Variants in RALGAPA1 observed in about 807,000 individuals in gnomAD.
RALGAPA1 encodes Ral GTPase activating protein catalytic subunit alpha 1.
A neutral mutation model predicts 269.6 loss-of-function variants in RALGAPA1; 52 were observed. The ratio of observed to expected loss-of-function variants is 0.19; its 90% CI spans 0.15 to 0.24. RALGAPA1 has a LOEUF of 0.24. Ranked by LOEUF, RALGAPA1 falls within the 10% of genes least tolerant of loss-of-function variation. The probability of loss-of-function intolerance (pLI) is 1.00; values close to 1 mark genes in which losing one functional copy is unlikely to be tolerated. For missense variants in RALGAPA1, 1,917 were observed against 3,013.9 expected (o/e 0.64, Z 8.52); for synonymous variants, 817 against 1,008.3 (o/e 0.81, Z 3.60).
chr14:35,704,229 T>C (rs757160945), intron 16 of RALGAPA1, among the ~76,000 whole-genome samples: 2 of 152,162 alleles, frequency 1.3e-5, no homozygotes, highest in East Asian at 3.8e-4. Flanking sequence ...CACCAGGTCC[T>C]AAATCATAAA....
Position 35,656,114 on chromosome 14 carries a change from T to C in RALGAPA1, c.5388-199A>G, listed in dbSNP as rs146307857. ...CAAAACTTCTGAGCCTAATTTTCTA[T>C]TATAATTTACTAAGAAGACTACAGG... On this transcript the variant is annotated intron_variant, in intron 28 of 41. Transcript: ENST00000680220. Among the ~76,000 whole-genome samples the C allele has an allele frequency of 1.8e-3, 273 of 152,298 alleles. 1 individual carries two copies. The highest frequency in any genetic ancestry group is 6.4e-3 in the African/African-American group (267 of 41,592).
rs2071096207 is a variant in RALGAPA1 at position 35,737,356 on chromosome 14, GGCGATAATA to G, written c.1587+1148_1587+1156del. 1.3e-5 allele frequency among the ~76,000 whole-genome samples: 2 copies of G among 152,054 alleles called. 1 individual carries two copies. Among genetic ancestry groups the G allele is most frequent in the Admixed American group, 1.3e-4 (2 of 15,256 alleles). On this transcript the variant is annotated intron_variant, in intron 12 of 41. Coordinates refer to ENST00000680220, the MANE Select transcript of RALGAPA1 (RefSeq NM_001346249.2). ...ATTCTGACAAAGTGGAGAACAATTG[GGCGATAATA>G]GTAAAGTTATTAATGTACAAATCCT...
intron 39 of RALGAPA1, among the ~76,000 whole-genome samples, chr14:35,569,211 A>G (rs1212826676): frequency 6.6e-6 from 1 of 152,212 alleles, no homozygotes; most frequent in Non-Finnish European, 1.5e-5. Context: ...TTAAGATAAT[A>G]AATCTATTTC....
At chr14:35,727,834 A>T (rs1339070235) in intron 13 of RALGAPA1, among the ~76,000 whole-genome samples, 1 of 152,168 alleles carries the variant, frequency 6.6e-6, no homozygotes, top group African/African-American at 2.4e-5. Flanking sequence ...CAACAGGAAA[A>T]ACAGCAGAAT....
At chr14:35,541,109 G>A (rs548023876) in intron 41 of RALGAPA1, among the ~76,000 whole-genome samples, 25 of 139,090 alleles carry the variant, frequency 1.8e-4, no homozygotes, top group African/African-American at 7.0e-4. Context: ...GCAGTGGCAC[G>A]ATCTTGGCTC....
intron 26 of RALGAPA1, among the ~76,000 whole-genome samples, chr14:35,668,937 T>G (rs916987828): frequency 2.0e-5 from 3 of 152,208 alleles, no homozygotes; most frequent in African/African-American, 7.2e-5. Flanking sequence ...TATTACACTC[T>G]TACAGATTAA....
intron 1 of RALGAPA1, among the ~76,000 whole-genome samples, chr14:35,797,245 T>C (rs962457566): frequency 2.0e-5 from 3 of 149,934 alleles, no homozygotes; most frequent in Non-Finnish European, 4.4e-5. Flanking sequence ...TCCCAGCTAC[T>C]AGGGGGCTGA....
At chr14:35,700,489 C>T (rs915295413) in intron 16 of RALGAPA1, among the ~76,000 whole-genome samples, 187 bp from the exon 17 acceptor site, 1 of 152,104 alleles carries the variant, frequency 6.6e-6, no homozygotes, top group Non-Finnish European at 1.5e-5. Context: ...AGAACACACA[C>T]AACATTTTGA....
chr14:35,703,334 T>C (rs1286788893), intron 16 of RALGAPA1, among the ~76,000 whole-genome samples: 1 of 152,060 alleles, frequency 6.6e-6, no homozygotes, highest in African/African-American at 2.4e-5. Context: ...AAACATTAGC[T>C]GGGTGTGGTG....
At chr14:35,746,131 A>G (rs1171698853) in intron 10 of RALGAPA1, among the ~76,000 whole-genome samples, 1 of 152,202 alleles carries the variant, frequency 6.6e-6, no homozygotes, top group Non-Finnish European at 1.5e-5. Flanking sequence ...TCCAGCAGAC[A>G]TTATTCTAAG....
chr14:35,578,375 A>G (rs994513662), intron 37 of RALGAPA1, among the ~76,000 whole-genome samples: 17 of 152,162 alleles, frequency 1.1e-4, no homozygotes, highest in Admixed American at 1.1e-3. Context: ...TAGAAACTGT[A>G]ACTTAGTATT....
intron 36 of RALGAPA1, among the ~76,000 whole-genome samples, chr14:35,604,550 G>A (rs1467675672): frequency 1.3e-5 from 2 of 151,710 alleles, no homozygotes; most frequent in African/African-American, 4.8e-5. Context: ...AAAAATCACT[G>A]AGATGAAAAT....
chr14:35,646,701 T>C, intron 31 of RALGAPA1, among the ~76,000 whole-genome samples: 1 of 152,342 alleles, frequency 6.6e-6, no homozygotes, highest in Non-Finnish European at 1.5e-5. Flanking sequence ...GTGAAATATC[T>C]ATAGATTAGA....
intron 1 of RALGAPA1, among the ~76,000 whole-genome samples, chr14:35,788,676 A>C (rs1419384218): frequency 6.6e-6 from 1 of 152,148 alleles, no homozygotes; most frequent in African/African-American, 2.4e-5. Context: ...AATTTGTCTA[A>C]AGTTTTTAAC....
chr14:35,571,981 G>C (rs1419843090), intron 38 of RALGAPA1, among the ~76,000 whole-genome samples: 2 of 152,064 alleles, frequency 1.3e-5, no homozygotes. Context: ...GTTTAAAAAA[G>C]GGAAGGAACA....
At chr14:35,668,419 A>G (rs4982304) in intron 26 of RALGAPA1, among the ~76,000 whole-genome samples, 13,688 of 151,992 alleles carry the variant, frequency 0.09, 985 homozygotes, top group East Asian at 0.37. Context: ...GGAGGCAGAG[A>G]TTGCAGTGAG....
intron 31 of RALGAPA1, among the ~76,000 whole-genome samples, chr14:35,650,632 AAAT>A (rs1334804814): frequency 1.3e-5 from 2 of 152,192 alleles, no homozygotes; most frequent in African/African-American, 4.8e-5. Flanking sequence ...CCACACAAGA[AAAT>A]AACTGGGAAT....
chr14:35,685,568 T>C (rs145339238), intron 19 of RALGAPA1, among the ~76,000 whole-genome samples: 2 of 151,346 alleles, frequency 1.3e-5, no homozygotes, highest in Admixed American at 1.3e-4. Flanking sequence ...TATAATGGAG[T>C]TATAGAGAAG....
chr14:35,630,517 A>G (rs1015323390), intron 33 of RALGAPA1, among the ~76,000 whole-genome samples: 2 of 152,198 alleles, frequency 1.3e-5, no homozygotes, highest in Admixed American at 6.5e-5. Flanking sequence ...CTTGACCCCA[A>G]GTGATCCACC....
Sources: allele counts gnomAD v4.1 joint callset (sites outside exome capture counted in the v4.1 genomes callset), GRCh38; gene constraint gnomAD v4.1.1; transcripts MANE v1.5; gene names NCBI Gene and HGNC (gene_info 2026-07-23, HGNC 2026-07-21).